Variants in UBR3 observed in about 807,000 individuals in gnomAD.
The protein encoded by UBR3 is E3 ubiquitin-protein ligase UBR3.
In UBR3, 85 loss-of-function variants were observed where a neutral mutation model predicts 243.2. That is an observed-to-expected ratio of 0.35 (90% CI 0.29 to 0.42). The LOEUF (loss-of-function observed/expected upper bound fraction) is 0.42, where lower values mean the gene tolerates loss of function less well. UBR3 is among the 10% of genes least tolerant of loss of function. The pLI is 1.00. For missense variants in UBR3, 1,686 were observed against 2,300.8 expected (o/e 0.73, Z 5.47); for synonymous variants, 748 against 799.8 (o/e 0.94, Z 1.09).
intron 9 of UBR3, among the ~76,000 whole-genome samples, chr2:169,905,566 G>A (rs890325712): frequency 2.0e-5 from 3 of 151,972 alleles, no homozygotes; most frequent in Non-Finnish European, 4.4e-5. Flanking sequence ...GTAGAGACAG[G>A]GTCTCACTAT....
chr2:169,969,694 G>T (rs1042057659), intron 24 of UBR3, among the ~76,000 whole-genome samples: 3 of 151,654 alleles, frequency 2.0e-5, no homozygotes, highest in Admixed American at 6.6e-5. Flanking sequence ...GACAACAGGC[G>T]CCTGCCACCA....
At chr2:169,972,805 A>G (rs2088228178) in intron 24 of UBR3, among the ~76,000 whole-genome samples, 1 of 151,828 alleles carries the variant, frequency 6.6e-6, no homozygotes, top group Non-Finnish European at 1.5e-5. Context: ...CACAGCCAAT[A>G]TCATACTGAA....
At chr2:169,972,039 A>G (rs1017483170) in intron 24 of UBR3, among the ~76,000 whole-genome samples, 4 of 152,204 alleles carry the variant, frequency 2.6e-5, no homozygotes, top group Admixed American at 2.6e-4. Flanking sequence ...AAAGAAGAAA[A>G]GAGAGAAGAA....
At chr2:169,983,951 A>G (rs1214573327) in intron 24 of UBR3, among the ~76,000 whole-genome samples, 1 of 152,216 alleles carries the variant, frequency 6.6e-6, no homozygotes, top group Non-Finnish European at 1.5e-5. Flanking sequence ...AGAACTTAAG[A>G]ATTCCAGGGT....
chr2:169,922,066 T>G (rs1161274627), intron 11 of UBR3, among the ~76,000 whole-genome samples: 1 of 151,834 alleles, frequency 6.6e-6, no homozygotes, highest in Non-Finnish European at 1.5e-5. Flanking sequence ...GCGGGCAGAT[T>G]GCATGAGCCC....
chr2:169,896,754 C>A lies in UBR3; in HGVS notation c.1465+19C>A. On this transcript the variant is annotated intron_variant, in intron 8 of 38. Transcript: ENST00000272793. The stretch of plus-strand genomic sequence containing the variant: ...CTACAAGGTAACTCAGAATTATATT[C>A]ACTAGTTCTATTATTATCAGTATTA... The A allele has an allele frequency of 1.3e-6, 2 of 1,498,446 alleles. No homozygotes were observed. The highest frequency in any genetic ancestry group is 2.5e-5 in the South Asian group (2 of 80,726). 92.8% of individuals were successfully genotyped at this position (1,498,446 alleles called of 1,614,324 possible). A position where few individuals can be genotyped will look rare whatever the true frequency, so the allele number is the denominator to read the frequency against.
chr2:169,894,658 C>G (rs938266802), intron 6 of UBR3, among the ~76,000 whole-genome samples: 4 of 152,122 alleles, frequency 2.6e-5, no homozygotes, highest in Non-Finnish European at 5.9e-5. Flanking sequence ...GTGGTATGAA[C>G]ACATTATTCA....
At chr2:169,920,729 AT>A in intron 11 of UBR3, among the ~76,000 whole-genome samples, 1 of 152,234 alleles carries the variant, frequency 6.6e-6, no homozygotes, top group South Asian at 2.1e-4. Context: ...CCTAGTTCAA[AT>A]TTTTTAAGAG....
rs1466199204 is a variant in UBR3, at chr2:170,083,425, C to T, written c.*1582C>T. 2.0e-5 allele frequency: 3 copies of T among 152,654 alleles called. No homozygotes were observed. Among genetic ancestry groups the T allele is most frequent in the Non-Finnish European group, 2.9e-5 (2 of 67,984 alleles). The allele number at this position is 152,654 out of a possible 1,614,324, so 9.5% of individuals were successfully genotyped here. A position where few individuals can be genotyped will look rare whatever the true frequency, so the allele number is the denominator to read the frequency against. ...TTCTGTAAGAGTCAATGATTCTGTTCGACTAAATAGCTGTCCTTTCCAACA... is the reference window on the plus strand; with the variant it reads ...TTCTGTAAGAGTCAATGATTCTGTTTGACTAAATAGCTGTCCTTTCCAACA... On this transcript the variant is annotated 3_prime_UTR_variant, in exon 39 of 39. Coordinates refer to ENST00000272793, the MANE Select transcript of UBR3 (RefSeq NM_172070.4).
chr2:169,960,437 C>T (rs1163384568), intron 24 of UBR3, among the ~76,000 whole-genome samples: 1 of 151,592 alleles, frequency 6.6e-6, no homozygotes, highest in African/African-American at 2.4e-5. Flanking sequence ...ATAAGGGATA[C>T]TTAACCTGTA....
At chr2:169,828,147 C>A in intron 1 of UBR3, 95 bp downstream of exon 1, 3 of 1,237,590 alleles carry the variant, frequency 2.4e-6, no homozygotes, top group Non-Finnish European at 3.0e-6. Flanking sequence ...TCTGAGCTGT[C>A]AAGGGGAGGG....
At chr2:169,859,494 T>C (rs1303371084) in intron 1 of UBR3, among the ~76,000 whole-genome samples, 1 of 152,118 alleles carries the variant, frequency 6.6e-6, no homozygotes, top group Non-Finnish European at 1.5e-5. Flanking sequence ...TTTTTTTGTT[T>C]CCCCTCCTCT....
chr2:169,854,762 T>C, intron 1 of UBR3, among the ~76,000 whole-genome samples: 1 of 152,170 alleles, frequency 6.6e-6, no homozygotes, highest in South Asian at 2.1e-4. Flanking sequence ...GCTAACATAG[T>C]TATAAAATCT....
At chr2:170,020,706 C>T (rs1164617774) in intron 30 of UBR3, among the ~76,000 whole-genome samples, 1 of 152,206 alleles carries the variant, frequency 6.6e-6, no homozygotes, top group Non-Finnish European at 1.5e-5. Context: ...ACTTTATCTA[C>T]AGTCATACAC....
intron 1 of UBR3, among the ~76,000 whole-genome samples, chr2:169,847,079 CTGTGTGTG>C (rs769261518): frequency 1.6e-5 from 2 of 123,708 alleles, no homozygotes; most frequent in African/African-American, 6.2e-5. Flanking sequence ...TTTTCTTAAA[CTGTGTGTG>C]TGTGTGTGTG....
intron 1 of UBR3, among the ~76,000 whole-genome samples, chr2:169,840,318 A>G (rs1442305048): frequency 6.6e-6 from 1 of 152,152 alleles, no homozygotes; most frequent in Admixed American, 6.6e-5. Context: ...TGTAGTTAGC[A>G]GAGAAGTTAT....
At chr2:170,020,868 A>C (rs1405559494) in intron 30 of UBR3, among the ~76,000 whole-genome samples, 1 of 152,228 alleles carries the variant, frequency 6.6e-6, no homozygotes, top group East Asian at 1.9e-4. Context: ...CAGTGAAATC[A>C]CATGATAAAT....
chr2:169,839,334 A>G (rs1423139143), intron 1 of UBR3, among the ~76,000 whole-genome samples: 2 of 152,206 alleles, frequency 1.3e-5, no homozygotes, highest in African/African-American at 4.8e-5. Context: ...TCATGAAGAT[A>G]AAGAGTAGAT....
intron 11 of UBR3, among the ~76,000 whole-genome samples, chr2:169,917,829 A>C (rs1004462866): frequency 2.6e-5 from 4 of 152,038 alleles, no homozygotes; most frequent in Non-Finnish European, 4.4e-5. Context: ...CAGTCTCCTG[A>C]GTAACTGGGA....
Sources: gnomAD v4.1 joint callset for allele counts (sites outside exome capture counted in the v4.1 genomes callset) on GRCh38, gnomAD v4.1.1 for gene constraint, MANE v1.5 for transcripts, NCBI Gene and HGNC (gene_info 2026-07-23, HGNC 2026-07-21) for gene names.